Variants in SIDT2 observed in about 807,000 individuals in gnomAD.
SIDT2 encodes the protein SID1 transmembrane family, member 2.
A neutral mutation model predicts 114.4 loss-of-function variants in SIDT2; 68 were observed. The observed-to-expected ratio is 0.59, with a 90% CI of 0.49 to 0.73. SIDT2 has a LOEUF of 0.73. SIDT2 is among the 30% of genes least tolerant of loss of function. The pLI is 0.00. For synonymous variants in SIDT2, 470 were observed against 438.4 expected (o/e 1.07, Z -0.90); for missense variants, 918 against 1,097.1 (o/e 0.84, Z 2.31).
In SIDT2 at chr11:117,195,832, C is replaced by T. The variant is rs996205217; in HGVS notation, c.2353C>T (p.Arg785Trp). ...KTPAESREHN[R>W]DCILLDFFDD... ...CCCTGCAGAGTCGAGGGAGCACAAC[C>T]GGGACTGCATCCTCCTCGACTTCTT... Residue 785 changes from arginine to tryptophan, a missense_variant, in exon 25 of 26, where the codon CGG (arginine) becomes TGG (tryptophan). Arg to Trp is a moderately radical substitution (Grantham distance 101, BLOSUM62 -3). Around this residue, in one of 4 missense-constraint regions of SIDT2, gnomAD observed 275 missense variants for 397.6 expected, o/e 0.69. Transcript: ENST00000324225. 6 of 1,614,198 alleles carry T rather than the reference C, an allele frequency of 3.7e-6. No homozygotes were observed. Among genetic ancestry groups the T allele is most frequent in the East Asian group, 4.5e-5 (2 of 44,880 alleles).
chr11:117,190,008 C>T lies in SIDT2; in HGVS notation c.1476C>T (p.His492=), dbSNP rs894930094. Residue 492 remains histidine (H), a synonymous_variant, in exon 16 of 26, where the codon CAC becomes CAT. Coordinates refer to ENST00000324225, the MANE Select transcript of SIDT2 (RefSeq NM_001040455.2). This position sits in a 1 kb window ranked among gnomAD's most constrained non-coding sequence, Gnocchi z 4.1. ...GCTACTACAACTTCCTCTGCGCCCA[C>T]CCACTGGGCAATCTCAGGTGGGGGT... The part of the protein sequence containing the change: ...DICYYNFLCA[H]PLGNLSAFNN... 4 of 1,614,084 alleles carry T rather than the reference C, an allele frequency of 2.5e-6. No individual in the cohort carries two copies. Among genetic ancestry groups the T allele is most frequent in the Non-Finnish European group, 1.7e-6 (2 of 1,180,030 alleles).
intron 23 of SIDT2, 81 bp from the exon 24 acceptor site, chr11:117,193,772 A>G (rs999662493): frequency 5.0e-6 from 5 of 1,009,098 alleles, no homozygotes; most frequent in Non-Finnish European, 7.8e-6. Flanking sequence ...GAGGAAAGGG[A>G]ATCTGGGAAA....
chr11:117,189,409 G>A lies in SIDT2; in HGVS notation c.1419+8G>A. 1.9e-6 allele frequency: 3 copies of A among 1,613,632 alleles called. No homozygotes were observed. Among genetic ancestry groups the A allele is most frequent in the South Asian group, 1.1e-5 (1 of 90,964 alleles). Reference sequence around the variant, plus strand: ...GTGATCACCTACCAGACGGTGAGAGGGCAGGGCAGGTTCACCTTTCCGACA... The same window carrying A: ...GTGATCACCTACCAGACGGTGAGAGAGCAGGGCAGGTTCACCTTTCCGACA... On this transcript the variant is annotated splice_region_variant and intron_variant, in intron 15 of 25. Transcript: ENST00000324225.
In SIDT2 at chr11:117,178,980, G is replaced by T. The variant is rs937460936; in HGVS notation, c.-284G>T. On this transcript the variant is annotated 5_prime_UTR_variant, in exon 1 of 26. Transcript: ENST00000324225. ...CACGGCCCTGGCCCGGGGCTCCAGGGTCTCAGGTCGTACTCAGCCCCTCGC... is the reference window on the plus strand; with the variant it reads ...CACGGCCCTGGCCCGGGGCTCCAGGTTCTCAGGTCGTACTCAGCCCCTCGC... 2.2e-6 allele frequency: 1 copy of T among 445,566 alleles called. No homozygotes were observed. The highest frequency in any genetic ancestry group is 2.0e-5 in the African/African-American group (1 of 50,040). 27.6% of individuals were successfully genotyped at this position (445,566 alleles called of 1,614,324 possible).
At chr11:117,180,857 C>T (rs933847412) in intron 1 of SIDT2, among the ~76,000 whole-genome samples, 2 of 152,116 alleles carry the variant, frequency 1.3e-5, no homozygotes, top group Non-Finnish European at 2.9e-5. Context: ...GAAGTTGAGG[C>T]TTAGAGAAGT....
intron 5 of SIDT2, 38 bp downstream of exon 5, chr11:117,182,658 G>A: frequency 1.2e-6 from 2 of 1,613,864 alleles, no homozygotes; most frequent in Non-Finnish European, 8.5e-7. Context: ...CCAGCAGGCA[G>A]CAGGGCTGCT....
intron 24 of SIDT2, among the ~76,000 whole-genome samples, chr11:117,195,472 GAGA>G: frequency 6.6e-6 from 1 of 152,342 alleles, no homozygotes; most frequent in East Asian, 1.9e-4. Context: ...GGAAGTGGGT[GAGA>G]AGGCCTTCTG....
chr11:117,193,198 C>T lies in SIDT2; in HGVS notation c.2151C>T (p.Tyr717=). Residue 717 remains tyrosine, a synonymous_variant, in exon 23 of 26, where the codon TAC becomes TAT. Transcript: ENST00000324225. The part of the protein sequence containing the change: ...LIMRPNDFAS[Y]LLAIGICNLL... ...TGCGCCCCAATGATTTCGCTTCCTA[C>T]TTGTTGGCCATTGGCATCTGCAACC... The T allele has an allele frequency of 6.2e-7, 1 of 1,614,168 alleles. No homozygotes were observed. The highest frequency in any genetic ancestry group is 8.5e-7 in the Non-Finnish European group (1 of 1,180,014).
chr11:117,189,119 G>A, intron 13 of SIDT2, 50 bp from the exon 14 acceptor site: 1 of 1,576,942 alleles, frequency 6.3e-7, no homozygotes, highest in Non-Finnish European at 8.7e-7. Flanking sequence ...CTGGGGGAGG[G>A]GGCTTCTCCC....
rs1197365925 is a variant in SIDT2, at chr11:117,182,110, C to CATCT, written c.516+6_516+9dup. The CATCT allele has an allele frequency of 1.2e-6, 2 of 1,613,730 alleles. No homozygotes were observed. Among genetic ancestry groups the CATCT allele is most frequent in the Admixed American group, 3.3e-5 (2 of 60,004 alleles). On this transcript the variant is annotated splice_donor_region_variant and intron_variant, in intron 4 of 25. Coordinates refer to ENST00000324225, the MANE Select transcript of SIDT2 (RefSeq NM_001040455.2). ...ACCACAGCAGCACAGCCCCAGGTAA[C>CATCT]ATCTCCCTGTTGATTGCTCGAGAGG...
At chr11:117,183,746 A>G (rs753569927) in intron 6 of SIDT2, 33 bp from the exon 7 acceptor site, 21 of 1,367,006 alleles carry the variant, frequency 1.5e-5, no homozygotes, top group Non-Finnish European at 2.2e-5. Context: ...GATGATGATG[A>G]TGAAGAAGAT....
chr11:117,189,791 A>C, intron 15 of SIDT2, 161 bp from the exon 16 acceptor site: 7 of 667,686 alleles, frequency 1.0e-5, no homozygotes, highest in South Asian at 6.9e-5. Context: ...GCTGCATGGC[A>C]TCCATGTTCT....
intron 24 of SIDT2, among the ~76,000 whole-genome samples, chr11:117,194,451 A>G (rs1021327415): frequency 6.6e-6 from 1 of 152,238 alleles, no homozygotes; most frequent in African/African-American, 2.4e-5. Flanking sequence ...AGAGAGGCCA[A>G]GTGACTTCCC....
chr11:117,179,321 C>A lies in SIDT2; in HGVS notation c.58C>A (p.Leu20Met). ...CTTGGTGGCCTCGGTCGAGAGCCAT[C>A]TGGGGGTTCTGGGGCCCAAGAACGT... is the stretch of plus-strand genomic sequence containing the variant. ...VLLVASVESH[L>M]GVLGPKNVSQ... The change falls in exon 1 of 26, where the codon CTG (leucine) becomes ATG (methionine). Residue 20 changes from leucine (L) to methionine (M), a missense_variant. Physicochemically the swap from Leu to Met is conservative, Grantham distance 15. Transcript: ENST00000324225. 3.7e-6 allele frequency: 6 copies of A among 1,614,184 alleles called. No individual in the cohort carries two copies. The highest frequency in any genetic ancestry group is 5.1e-6 in the Non-Finnish European group (6 of 1,180,038).
intron 4 of SIDT2, 108 bp downstream of exon 4, chr11:117,182,213 C>A: frequency 7.9e-7 from 1 of 1,264,324 alleles, no homozygotes; most frequent in Non-Finnish European, 1.1e-6. Context: ...CTGTTTTCTC[C>A]ATGGAGGGCT....
At chr11:117,186,742 C>A in intron 10 of SIDT2, 106 bp downstream of exon 10, 1 of 1,114,228 alleles carries the variant, frequency 9.0e-7, no homozygotes. Flanking sequence ...CTGGGGGTTT[C>A]TGGATGTTCA....
intron 15 of SIDT2, chr11:117,189,721 TC>T (rs2030631823): frequency 1.7e-6 from 1 of 600,892 alleles, no homozygotes; most frequent in African/African-American, 1.9e-5. Flanking sequence ...GGCAAGAACT[TC>T]CATCACGGTC....
rs2030927792 is a variant in SIDT2, at chr11:117,197,382, T to C, written c.*1316T>C. On this transcript the variant is annotated 3_prime_UTR_variant, in exon 26 of 26. Transcript: ENST00000324225. The stretch of plus-strand genomic sequence containing the variant: ...TGGATCTTTTCTCAGAGCGTCTCCA[T>C]GCTATGGTTGCATTTCCGTTTTCTA... The C allele has an allele frequency of 6.6e-6, 1 of 152,650 alleles. No homozygotes were observed. The highest frequency in any genetic ancestry group is 2.4e-5 in the African/African-American group (1 of 41,444). 9.5% of individuals were successfully genotyped at this position (152,650 alleles called of 1,614,324 possible).
chr11:117,184,907 G>A (rs1186174118), intron 8 of SIDT2, among the ~76,000 whole-genome samples: 1 of 152,014 alleles, frequency 6.6e-6, no homozygotes, highest in African/African-American at 2.4e-5. Flanking sequence ...TGTATTTTTA[G>A]TAGAGACGGG....
Sources: allele counts gnomAD v4.1 joint callset (sites outside exome capture counted in the v4.1 genomes callset), GRCh38; gene constraint gnomAD v4.1.1; regional missense constraint gnomAD v4.1.1; non-coding constraint Gnocchi (gnomAD v3.1); transcripts MANE v1.5; gene names NCBI Gene and HGNC (gene_info 2026-07-23, HGNC 2026-07-21).